TPH1: variants seen among roughly 807,000 people sequenced by gnomAD.
TPH1 encodes tryptophan 5-hydroxylase 1.
A neutral mutation model predicts 49.5 loss-of-function variants in TPH1; 37 were observed. The ratio of observed to expected loss-of-function variants is 0.75; its 90% CI spans 0.58 to 0.98. The LOEUF (loss-of-function observed/expected upper bound fraction) is 0.98. Ranked by LOEUF, TPH1 falls within the 50% of genes least tolerant of loss-of-function variation. TPH1 has a pLI of 0.00. For missense variants in TPH1, 487 were observed against 523.6 expected (o/e 0.93, Z 0.68); for synonymous variants, 160 against 182.1 (o/e 0.88, Z 0.98).
At chr11:18,040,036 A>G (rs1426906308) in intron 2 of TPH1, among the ~76,000 whole-genome samples, 1 of 151,552 alleles carries the variant, frequency 6.6e-6, no homozygotes, top group Admixed American at 6.6e-5. Flanking sequence ...AAATAATATC[A>G]TTAAATATAC....
chr11:18,042,644 AC>A (rs1372621367), intron 1 of TPH1, among the ~76,000 whole-genome samples: 3 of 152,222 alleles, frequency 2.0e-5, no homozygotes, highest in African/African-American at 7.2e-5. Flanking sequence ...GTTATAATTT[AC>A]ATAAAACTCT....
intron 1 of TPH1, chr11:18,042,566 G>T: frequency 3.9e-6 from 1 of 259,618 alleles, no homozygotes. Context: ...CTTGGAGGGA[G>T]GATAATTAAC....
At chr11:18,030,092 T>G (rs993266607) in intron 4 of TPH1, among the ~76,000 whole-genome samples, 3 of 152,038 alleles carry the variant, frequency 2.0e-5, no homozygotes, top group African/African-American at 7.3e-5. Context: ...ACATTAGAAT[T>G]TATACTCATG....
At chr11:18,025,553 A>G in intron 8 of TPH1, 22 bp downstream of exon 8, 3 of 1,613,558 alleles carry the variant, frequency 1.9e-6, no homozygotes, top group Non-Finnish European at 2.5e-6. Context: ...AGGTGAAAAT[A>G]TAGCTAATTC....
intron 4 of TPH1, among the ~76,000 whole-genome samples, chr11:18,030,697 T>C (rs1847979362): frequency 6.6e-6 from 1 of 152,164 alleles, no homozygotes; most frequent in South Asian, 2.1e-4. Flanking sequence ...TTAAGACGAT[T>C]GTGTGGTTCA....
intron 8 of TPH1, 21 bp downstream of exon 8, chr11:18,025,554 T>C (rs766906923): frequency 1.2e-6 from 2 of 1,613,564 alleles, no homozygotes; most frequent in Non-Finnish European, 1.7e-6. Flanking sequence ...GGTGAAAATA[T>C]AGCTAATTCC....
intron 6 of TPH1, among the ~76,000 whole-genome samples, chr11:18,027,204 C>T (rs1847936937): frequency 6.6e-6 from 1 of 152,152 alleles, no homozygotes; most frequent in Non-Finnish European, 1.5e-5. Context: ...AAGAGGCCTG[C>T]CACTAGGATT....
At chr11:18,029,721 T>A in intron 4 of TPH1, 142 bp from the exon 5 acceptor site, 3 of 682,438 alleles carry the variant, frequency 4.4e-6, no homozygotes, top group Non-Finnish European at 7.4e-6. Flanking sequence ...ATTTAGAGAT[T>A]TATGATCATT....
At chr11:18,034,446 A>G (rs1848024216) in intron 3 of TPH1, among the ~76,000 whole-genome samples, 1 of 152,190 alleles carries the variant, frequency 6.6e-6, no homozygotes, top group Non-Finnish European at 1.5e-5. Flanking sequence ...GCAGAGTCCT[A>G]GGCTTCTGCT....
At position 18,029,659 on chromosome 11, in the gene TPH1, A is replaced by C. The variant is rs1847965576; in HGVS notation, c.403-80T>G. 5.3e-6 allele frequency: 6 copies of C among 1,139,970 alleles called. No individual in the cohort carries two copies. The East Asian group carries it at 1.2e-4, about 22-fold the overall frequency. 70.6% of individuals were successfully genotyped at this position (1,139,970 alleles called of 1,614,324 possible). On this transcript the variant is annotated intron_variant, in intron 4 of 10. Coordinates refer to ENST00000682019, the MANE Select transcript of TPH1 (RefSeq NM_004179.3). ...GATATTTGGGAAACATTTCATTATTACTAGAGCTATTATATTAAAGGGCTA... is the reference window on the plus strand; with the variant it reads ...GATATTTGGGAAACATTTCATTATTCCTAGAGCTATTATATTAAAGGGCTA...
intron 2 of TPH1, among the ~76,000 whole-genome samples, chr11:18,039,739 C>T (rs914520968): frequency 2.0e-5 from 3 of 152,286 alleles, no homozygotes; most frequent in South Asian, 2.1e-4. Context: ...CTTTGTCCAG[C>T]TCCACATCCT....
At chr11:18,032,537 C>CTTTT (rs34366393) in intron 4 of TPH1, among the ~76,000 whole-genome samples, 10 of 86,302 alleles carry the variant, frequency 1.2e-4, no homozygotes, top group South Asian at 4.0e-4. Context: ...TTGTTGAAAT[C>CTTTT]TTTTTTTTTT....
chr11:18,025,815 T>C, intron 7 of TPH1, 114 bp from the exon 8 acceptor site: 4 of 1,455,324 alleles, frequency 2.7e-6, no homozygotes, highest in Non-Finnish European at 3.8e-6. Context: ...GATAATACTT[T>C]AGTAATGGAT....
chr11:18,030,621 A>G (rs979197447), intron 4 of TPH1, among the ~76,000 whole-genome samples: 2 of 152,182 alleles, frequency 1.3e-5, no homozygotes, highest in South Asian at 2.1e-4. Flanking sequence ...AGGAGTTTAC[A>G]TGAACCTGTT....
In TPH1 at chr11:18,019,447, T is replaced by TGCTTG. The variant is rs1220061551; in HGVS notation, c.*1539_*1543dup. 6.1e-6 allele frequency: 2 copies of TGCTTG among 327,738 alleles called. No individual in the cohort carries two copies. Among genetic ancestry groups the TGCTTG allele is most frequent in the East Asian group, 1.6e-4 (2 of 12,306 alleles). The allele number at this position is 327,738 out of a possible 1,614,324, so 20.3% of individuals were successfully genotyped here. ...CTTTATAGACCTGTTCAATTTGAGA[T>TGCTTG]GCTTGGCAGGGCTGTCATATTGAAC... On this transcript the variant is annotated 3_prime_UTR_variant, in exon 11 of 11. Coordinates refer to ENST00000682019, the MANE Select transcript of TPH1 (RefSeq NM_004179.3).
intron 8 of TPH1, 88 bp from the exon 9 acceptor site, chr11:18,024,071 CTAGAA>C: frequency 9.8e-7 from 1 of 1,024,630 alleles, no homozygotes; most frequent in Non-Finnish European, 1.5e-6. Context: ...CCAAAATACC[CTAGAA>C]TAAAGTCCAA....
intron 4 of TPH1, among the ~76,000 whole-genome samples, chr11:18,032,635 T>G (rs1269142215): frequency 7.7e-6 from 1 of 130,174 alleles, no homozygotes; most frequent in African/African-American, 2.9e-5. Context: ...AAGCTCCACC[T>G]CCCAGGTTCA....
chr11:18,038,781 G>T (rs1469666013), intron 2 of TPH1, among the ~76,000 whole-genome samples: 3 of 151,940 alleles, frequency 2.0e-5, no homozygotes, highest in South Asian at 2.1e-4. Flanking sequence ...ATTATTCTTC[G>T]ATTAAAAATT....
In TPH1 at chr11:18,017,701, T is replaced by C. The variant is rs912239577; in HGVS notation, c.*3290A>G. Reference sequence around the variant, plus strand: ...TTCCTATGAATTAACATATGGACTCTATCATATGTTCCTTTAGAGAATTCA... The same window carrying C: ...TTCCTATGAATTAACATATGGACTCCATCATATGTTCCTTTAGAGAATTCA... On this transcript the variant is annotated 3_prime_UTR_variant, in exon 11 of 11. Transcript: ENST00000682019. The C allele has an allele frequency of 6.6e-6, 1 of 152,328 alleles. No individual in the cohort carries two copies. Among genetic ancestry groups the C allele is most frequent in the African/African-American group, 2.4e-5 (1 of 41,582 alleles). The allele number at this position is 152,328 out of a possible 1,614,324, so 9.4% of individuals were successfully genotyped here.
Sources: gnomAD v4.1 joint callset for allele counts (sites outside exome capture counted in the v4.1 genomes callset) on GRCh38, gnomAD v4.1.1 for gene constraint, MANE v1.5 for transcripts, NCBI Gene and HGNC (gene_info 2026-07-23, HGNC 2026-07-21) for gene names.